Variants in PYURF observed in about 807,000 individuals in gnomAD.
PYURF encodes the protein PIGY upstream open reading frame.
A neutral mutation model predicts 8.0 loss-of-function variants in PYURF; 9 were observed. That is an observed-to-expected ratio of 1.13 (90% CI 0.68 to 1.97). The LOEUF is 1.97. Among genes scored for constraint, PYURF ranks in the 30% most tolerant of loss-of-function variants. The pLI is 0.00. For missense variants in PYURF, 130 were observed against 158.0 expected (o/e 0.82, Z 0.95); for synonymous variants, 56 against 68.3 (o/e 0.82, Z 0.89).
intron 1 of PYURF, among the ~76,000 whole-genome samples, chr4:88,522,612 C>T (rs1169957127): frequency 2.0e-5 from 3 of 152,124 alleles, no homozygotes; most frequent in African/African-American, 4.8e-5. Context: ...AAAAGAAATA[C>T]GAAAAATTGC....
chr4:88,523,422 G>A (rs965337661), intron 1 of PYURF, 76 bp downstream of exon 1: 1 of 1,471,658 alleles, frequency 6.8e-7, no homozygotes, highest in Non-Finnish European at 9.3e-7. Context: ...CCCAGTGGCT[G>A]CAAGAGGCCG....
chr4:88,523,744 C>T lies in PYURF; in HGVS notation c.-44G>A. 2 of 1,393,876 alleles carry T rather than the reference C, an allele frequency of 1.4e-6. No homozygotes were observed. The highest frequency in any genetic ancestry group is 1.9e-6 in the Non-Finnish European group (2 of 1,079,542). The allele number at this position is 1,393,876 out of a possible 1,614,324, so 86.3% of individuals were successfully genotyped here. A position where few individuals can be genotyped will look rare whatever the true frequency, so the allele number is the denominator to read the frequency against. On this transcript the variant is annotated 5_prime_UTR_variant, in exon 1 of 2. Transcript: ENST00000273968. ...CAGGCCTCACCGCAGCCTCGCCACC[C>T]GTGGCCGAGCTCCCGGCTTCCCGTT...
Position 88,522,047 on chromosome 4 carries a change from A to G in PYURF, c.204-18T>C. 6.6e-7 allele frequency: 1 copy of G among 1,522,036 alleles called. No homozygotes were observed. The allele number at this position is 1,522,036 out of a possible 1,614,324, so 94.3% of individuals were successfully genotyped here. A position where few individuals can be genotyped will look rare whatever the true frequency, so the allele number is the denominator to read the frequency against. On this transcript the variant is annotated intron_variant, in intron 1 of 1. Coordinates refer to ENST00000273968, the MANE Select transcript of PYURF (RefSeq NM_032906.5). ...CTTCATATCTGAGGTGGAAAAAAAA[A>G]GAACAAAATGAGTTGTGGGAAAATA...
chr4:88,522,053 A>C (rs1355989961), intron 1 of PYURF, 24 bp from the exon 2 acceptor site: 2 of 1,518,418 alleles, frequency 1.3e-6, no homozygotes, highest in East Asian at 4.9e-5. Flanking sequence ...AAAAAGAACA[A>C]AATGAGTTGT....
At position 88,521,766 on chromosome 4, in the gene PYURF, C is replaced by T; in HGVS notation, c.*122G>A. 1.2e-6 allele frequency: 2 copies of T among 1,613,052 alleles called. No individual in the cohort carries two copies. Among genetic ancestry groups the T allele is most frequent in the Non-Finnish European group, 1.7e-6 (2 of 1,179,516 alleles). ...AAGAAACCAGTGGAATAAGAACAGT[C>T]AACGTAGGAAGAGACAGAAACATTC... On this transcript the variant is annotated 3_prime_UTR_variant, in exon 2 of 2. Coordinates refer to ENST00000273968, the MANE Select transcript of PYURF (RefSeq NM_032906.5).
chr4:88,523,136 A>G (rs945786085), intron 1 of PYURF, among the ~76,000 whole-genome samples: 13 of 151,986 alleles, frequency 8.6e-5, no homozygotes, highest in African/African-American at 2.9e-4. Context: ...GAAAATACAA[A>G]TGTTCAGGTC....
At position 88,521,466 on chromosome 4, in the gene PYURF, G is replaced by A. The variant is rs570376330; in HGVS notation, c.*422C>T. On this transcript the variant is annotated 3_prime_UTR_variant, in exon 2 of 2. Coordinates refer to ENST00000273968, the MANE Select transcript of PYURF (RefSeq NM_032906.5). ...TCCCACAGTCCTAAGCCTGATATGC[G>A]CAAAGCAAAGCCTCTTTCCCGCAAA... The A allele has an allele frequency of 3.9e-5, 39 of 1,005,856 alleles. No individual in the cohort carries two copies. The highest frequency in any genetic ancestry group is 5.3e-5 in the Non-Finnish European group (36 of 678,626). 62.3% of individuals were successfully genotyped at this position (1,005,856 alleles called of 1,614,324 possible).
intron 1 of PYURF, among the ~76,000 whole-genome samples, chr4:88,522,957 C>G (rs1742422681): frequency 6.6e-6 from 1 of 152,138 alleles, no homozygotes; most frequent in Admixed American, 6.5e-5. Flanking sequence ...GTTCATAAAC[C>G]TGGTGGTACA....
Position 88,521,912 on chromosome 4 carries a change from C to T in PYURF, c.321G>A (p.Lys107=). The change falls in exon 2 of 2, where the codon AAG becomes AAA. Residue 107 remains lysine (K), a synonymous_variant. Transcript: ENST00000273968. ...ACTAGCGCTGCTCCACTTCTTCTTG[C>T]TTCTTACTTTGACGTGTCATCCTAG... ...QAARMTRQSK[K]QEEVEQR The T allele has an allele frequency of 6.4e-7, 1 of 1,550,580 alleles. No homozygotes were observed. The highest frequency in any genetic ancestry group is 8.7e-7 in the Non-Finnish European group (1 of 1,146,720).
Position 88,523,524 on chromosome 4 carries a change from C to T in PYURF, c.177G>A (p.Val59=), listed in dbSNP as rs1183729995. Residue 59 remains valine, a synonymous_variant, in exon 1 of 2, where the codon GTG becomes GTA. Coordinates refer to ENST00000273968, the MANE Select transcript of PYURF (RefSeq NM_032906.5). ...DFDPALLEFL[V]CPLSKKPLRY... Reference sequence around the variant, plus strand: ...TGAGCGGCTTCTTGGAGAGCGGGCACACCAGGAACTCCAGCAGCGCCGGAT... The same window carrying T: ...TGAGCGGCTTCTTGGAGAGCGGGCATACCAGGAACTCCAGCAGCGCCGGAT... 3 of 1,551,314 alleles carry T rather than the reference C, an allele frequency of 1.9e-6. No homozygotes were observed. The highest frequency in any genetic ancestry group is 2.0e-5 in the Admixed American group (1 of 51,014).
In PYURF at chr4:88,521,783, G is replaced by GA. The variant is rs1256225590; in HGVS notation, c.*104dup. On this transcript the variant is annotated 3_prime_UTR_variant, in exon 2 of 2. Transcript: ENST00000273968. ...AGAACAGTCAACGTAGGAAGAGACA[G>GA]AAACATTCTTCTCTTCCACTTATTA... is the stretch of plus-strand genomic sequence containing the variant. 6.2e-7 allele frequency: 1 copy of GA among 1,610,618 alleles called. No individual in the cohort carries two copies. Among genetic ancestry groups the GA allele is most frequent in the East Asian group, 2.2e-5 (1 of 44,848 alleles).
At chr4:88,522,112 T>A (rs1742392633) in intron 1 of PYURF, 83 bp from the exon 2 acceptor site, 1 of 1,304,550 alleles carries the variant, frequency 7.7e-7, no homozygotes, top group African/African-American at 1.5e-5. Flanking sequence ...ATACCACCAT[T>A]TATCCAATTT....
At chr4:88,523,272 C>A (rs1222092014) in intron 1 of PYURF, among the ~76,000 whole-genome samples, 2 of 152,220 alleles carry the variant, frequency 1.3e-5, no homozygotes, top group Non-Finnish European at 2.9e-5. Context: ...CGAGCCATTC[C>A]CGCAGGCTGG....
rs1056287488 is a variant in PYURF at position 88,521,372 on chromosome 4, T to C, written c.*516A>G. 1 of 556,880 alleles carries C rather than the reference T, an allele frequency of 1.8e-6. No homozygotes were observed. The highest frequency in any genetic ancestry group is 3.2e-6 in the Non-Finnish European group (1 of 315,312). The allele number at this position is 556,880 out of a possible 1,614,324, so 34.5% of individuals were successfully genotyped here. A position where few individuals can be genotyped will look rare whatever the true frequency, so the allele number is the denominator to read the frequency against. On this transcript the variant is annotated 3_prime_UTR_variant, in exon 2 of 2. Coordinates refer to ENST00000273968, the MANE Select transcript of PYURF (RefSeq NM_032906.5). Reference sequence around the variant, plus strand: ...AATGTTTCTTCTGATACAGCAGTTATAAGTCAGAGCCTTCAAAAAACAAGG... The same window carrying C: ...AATGTTTCTTCTGATACAGCAGTTACAAGTCAGAGCCTTCAAAAAACAAGG...
At position 88,522,888 on chromosome 4, in the gene PYURF, A is replaced by G. The variant is rs6855161; in HGVS notation, c.203+610T>C. Among the ~76,000 whole-genome samples the G allele has an allele frequency of 5.7e-3, 864 of 152,296 alleles. 8 individuals carry two copies. Among genetic ancestry groups the G allele is most frequent in the African/African-American group, 0.02 (821 of 41,560 alleles). ...ACAAGAATCTGGAGGGTACAACAATACTTTTCATTATCTTGGCTTAAAAAC... is the reference window on the plus strand; with the variant it reads ...ACAAGAATCTGGAGGGTACAACAATGCTTTTCATTATCTTGGCTTAAAAAC... On this transcript the variant is annotated intron_variant, in intron 1 of 1. Transcript: ENST00000273968.
chr4:88,521,648 G>T lies in PYURF; in HGVS notation c.*240C>A. On this transcript the variant is annotated 3_prime_UTR_variant, in exon 2 of 2. Coordinates refer to ENST00000273968, the MANE Select transcript of PYURF (RefSeq NM_032906.5). ...AATACATACACTGGTATGGTAATAG[G>T]CAAGAGCAGGCTGTAAAAGCAAAGG... 6.2e-7 allele frequency: 1 copy of T among 1,613,960 alleles called. No homozygotes were observed. The highest frequency in any genetic ancestry group is 8.5e-7 in the Non-Finnish European group (1 of 1,179,842).
At chr4:88,523,434 G>T (rs1742452830) in intron 1 of PYURF, 64 bp downstream of exon 1, 4 of 1,515,082 alleles carry the variant, frequency 2.6e-6, no homozygotes, top group Non-Finnish European at 3.6e-6. Flanking sequence ...AAGAGGCCGC[G>T]GTCCACCGCT....
Position 88,523,504 on chromosome 4 carries a change from G to C in PYURF, c.197C>G (p.Pro66Arg). The C allele has an allele frequency of 1.4e-5, 21 of 1,551,304 alleles. No homozygotes were observed. Among genetic ancestry groups the C allele is most frequent in the Non-Finnish European group, 1.8e-5 (21 of 1,146,858 alleles). ...GCCAAGGCCAGCGAGTTACCTGAGC[G>C]GCTTCTTGGAGAGCGGGCACACCAG... The part of the protein sequence containing the change: ...EFLVCPLSKK[P>R]LRYEASTNEL... The change falls in exon 1 of 2, where the codon CCG becomes CGG. Residue 66 changes from proline to arginine, a missense_variant. Coordinates refer to ENST00000273968, the MANE Select transcript of PYURF (RefSeq NM_032906.5).
At position 88,521,726 on chromosome 4, in the gene PYURF, A is replaced by G. The variant is rs1326355442; in HGVS notation, c.*162T>C. On this transcript the variant is annotated 3_prime_UTR_variant, in exon 2 of 2. Transcript: ENST00000273968. ...AAGTTTTCTTCCACAGAGGCTGAGT[A>G]GAACAGTCCTGCTAAAGAAACCAGT... The G allele has an allele frequency of 1.2e-6, 2 of 1,613,812 alleles. No homozygotes were observed. Among genetic ancestry groups the G allele is most frequent in the East Asian group, 2.2e-5 (1 of 44,896 alleles).
Sources: gnomAD v4.1 joint callset for allele counts (sites outside exome capture counted in the v4.1 genomes callset) on GRCh38, gnomAD v4.1.1 for gene constraint, MANE v1.5 for transcripts, NCBI Gene and HGNC (gene_info 2026-07-23, HGNC 2026-07-21) for gene names.